The following KCNH1 variants were observed in gnomAD, a reference collection of about 807,000 sequenced individuals.
KCNH1 encodes voltage-gated delayed rectifier potassium channel KCNH1.
KCNH1 carries 27 observed loss-of-function variants against 69.2 expected under a neutral mutation model. That is an observed-to-expected ratio of 0.39 (90% CI 0.29 to 0.54). The LOEUF (loss-of-function observed/expected upper bound fraction) is 0.54. KCNH1 is among the 20% of genes least tolerant of loss of function. The pLI, the probability that KCNH1 is intolerant of heterozygous loss-of-function variation, is 0.68. For synonymous variants in KCNH1, 456 were observed against 487.7 expected, an observed-to-expected ratio of 0.93 and a Z score of 0.86; for missense variants, 798 against 1,261.6, an observed-to-expected ratio of 0.63 and a Z score of 5.57.
intron 7 of KCNH1, among the ~76,000 whole-genome samples, chr1:210,850,349 A>T (rs1298608583): frequency 1.3e-5 from 2 of 151,940 alleles, no homozygotes; most frequent in Non-Finnish European, 2.9e-5. Context: ...GAAAAAAAAA[A>T]TACCAAAAAA....
chr1:210,754,893 GAC>G (rs1160187309), intron 10 of KCNH1, among the ~76,000 whole-genome samples: 5 of 149,692 alleles, frequency 3.3e-5, no homozygotes, highest in African/African-American at 1.2e-4. Context: ...CACATACAAA[GAC>G]ACACACACAG....
intron 10 of KCNH1, among the ~76,000 whole-genome samples, chr1:210,735,462 G>C (rs1488437255): frequency 1.5e-5 from 2 of 132,490 alleles, no homozygotes; most frequent in Non-Finnish European, 3.3e-5. Context: ...GTGTGTGTGT[G>C]TGTGATGCTG....
intron 9 of KCNH1, among the ~76,000 whole-genome samples, chr1:210,781,550 T>G (rs998230238): frequency 1.3e-5 from 2 of 152,050 alleles, no homozygotes; most frequent in Non-Finnish European, 2.9e-5. Context: ...AGAAAAAAAC[T>G]CCTTATAAGA....
intron 7 of KCNH1, among the ~76,000 whole-genome samples, chr1:210,834,012 A>G (rs930202014): frequency 2.8e-4 from 42 of 152,320 alleles, no homozygotes; most frequent in African/African-American, 8.2e-4. Flanking sequence ...TTAGAATGGC[A>G]ATCATTAAAA....
chr1:210,910,063 C>G (rs1687197051), intron 7 of KCNH1, among the ~76,000 whole-genome samples: 1 of 151,108 alleles, frequency 6.6e-6, no homozygotes, highest in South Asian at 2.1e-4. Flanking sequence ...ACATGGTAAA[C>G]AGTCAGAGGT....
At chr1:210,781,977 G>C (rs1184011202) in intron 9 of KCNH1, among the ~76,000 whole-genome samples, 1 of 152,060 alleles carries the variant, frequency 6.6e-6, no homozygotes, top group African/African-American at 2.4e-5. Flanking sequence ...TCTCACATCA[G>C]GGCTTTCCAG....
At chr1:210,961,161 T>C (rs1688285490) in intron 6 of KCNH1, among the ~76,000 whole-genome samples, 1 of 152,196 alleles carries the variant, frequency 6.6e-6, no homozygotes, top group Admixed American at 6.5e-5. Flanking sequence ...AAATCTTTTG[T>C]CTATTTTTTA....
At chr1:210,730,033 AG>A (rs921446226) in intron 10 of KCNH1, among the ~76,000 whole-genome samples, 4 of 152,178 alleles carry the variant, frequency 2.6e-5, no homozygotes, top group African/African-American at 9.7e-5. Flanking sequence ...TCATTCCTGC[AG>A]GCAGCTCTCA....
intron 6 of KCNH1, among the ~76,000 whole-genome samples, chr1:210,983,144 G>C (rs558952996): frequency 9.9e-4 from 151 of 151,916 alleles, no homozygotes; most frequent in African/African-American, 3.5e-3. Context: ...AAATTTGTTT[G>C]AGTTCACTGT....
intron 7 of KCNH1, among the ~76,000 whole-genome samples, chr1:210,844,699 CT>C (rs1480191752): frequency 4.6e-5 from 7 of 152,098 alleles, no homozygotes; most frequent in African/African-American, 1.7e-4. Context: ...CATTCAAACG[CT>C]AGCAGAAGGC....
At chr1:210,852,129 G>A (rs1339702467) in intron 7 of KCNH1, among the ~76,000 whole-genome samples, 2 of 152,226 alleles carry the variant, frequency 1.3e-5, no homozygotes, top group East Asian at 1.9e-4. Context: ...TTTTCCCTCT[G>A]GAGGTACAGA....
intron 3 of KCNH1, among the ~76,000 whole-genome samples, chr1:211,093,037 T>C (rs1368589266): frequency 6.6e-6 from 1 of 152,146 alleles, no homozygotes; most frequent in Non-Finnish European, 1.5e-5. Context: ...ATAAATCAGA[T>C]GACAGGAACC....
intron 7 of KCNH1, among the ~76,000 whole-genome samples, chr1:210,910,999 C>A (rs1202879715): frequency 3.9e-5 from 6 of 152,162 alleles, no homozygotes; most frequent in Admixed American, 3.3e-4. Flanking sequence ...ACGTGGTTTT[C>A]CTACTTGCAT....
chr1:210,996,531 T>C (rs1478014484), intron 6 of KCNH1, among the ~76,000 whole-genome samples: 2 of 152,252 alleles, frequency 1.3e-5, no homozygotes, highest in Non-Finnish European at 2.9e-5. Context: ...GAGGCCTGCC[T>C]GCCTCTGTAG....
In KCNH1 at chr1:210,982,466, G is replaced by A. The variant is rs573834801; in HGVS notation, c.1032+36317C>T. Among the ~76,000 whole-genome samples, 72 of 151,738 alleles carry A rather than the reference G, an allele frequency of 4.7e-4. 1 individual carries two copies. Among genetic ancestry groups the A allele is most frequent in the Middle Eastern group, 6.8e-3 (2 of 292 alleles). On this transcript the variant is annotated intron_variant, in intron 6 of 10. Coordinates refer to ENST00000271751, the MANE Select transcript of KCNH1 (RefSeq NM_172362.3). ...CCCGGTATGTGATGTTCCCCTTCCT[G>A]TGTCCATGTCTTCTCATTATTCAAT...
At chr1:210,794,541 T>G (rs1684269864) in intron 9 of KCNH1, among the ~76,000 whole-genome samples, 1 of 152,176 alleles carries the variant, frequency 6.6e-6, no homozygotes. Flanking sequence ...AAGCCCTGGT[T>G]TCTTCCTCAC....
intron 7 of KCNH1, among the ~76,000 whole-genome samples, chr1:210,824,759 G>A (rs1226748119): frequency 6.6e-6 from 1 of 152,182 alleles, no homozygotes; most frequent in Non-Finnish European, 1.5e-5. Context: ...TTTAGTTGTA[G>A]TGTGAAATCT....
At chr1:211,056,776 G>A (rs867133532) in intron 5 of KCNH1, among the ~76,000 whole-genome samples, 3 of 152,220 alleles carry the variant, frequency 2.0e-5, no homozygotes, top group African/African-American at 2.4e-5. Flanking sequence ...TTCTTCTGAA[G>A]TTCACTCAAG....
chr1:210,735,854 G>C (rs960414364), intron 10 of KCNH1, among the ~76,000 whole-genome samples: 1 of 151,968 alleles, frequency 6.6e-6, no homozygotes, highest in African/African-American at 2.4e-5. Context: ...GCACAAGAGA[G>C]AGTACACTTC....
Sources: allele counts gnomAD v4.1 joint callset (sites outside exome capture counted in the v4.1 genomes callset), GRCh38; gene constraint gnomAD v4.1.1; transcripts MANE v1.5; gene names NCBI Gene and HGNC (gene_info 2026-07-23, HGNC 2026-07-21).